GMDS: variants seen among roughly 807,000 people sequenced by gnomAD.
GMDS encodes the protein GDP-mannose 4,6 dehydratase.
Under a neutral mutation model 49.9 loss-of-function variants are expected in GMDS, and 20 were observed. The ratio of observed to expected loss-of-function variants is 0.40; its 90% confidence interval spans 0.28 to 0.58. GMDS has a LOEUF of 0.58. Among genes scored for constraint, GMDS ranks in the 20% least tolerant of loss-of-function variants. GMDS has a pLI of 0.42. For synonymous variants in GMDS, 177 were observed against 178.6 expected, an observed-to-expected ratio of 0.99 and a Z score of 0.07; for missense variants, 362 against 481.4, an observed-to-expected ratio of 0.75 and a Z score of 2.32.
At chr6:1,919,196 C>T (rs1037020978) in intron 7 of GMDS, among the ~76,000 whole-genome samples, 4 of 152,192 alleles carry the variant, frequency 2.6e-5, no homozygotes, top group Admixed American at 1.3e-4. Flanking sequence ...CAAGGAGCTT[C>T]CCCAAGAGAG....
At chr6:1,779,188 CA>C (rs1768972661) in intron 7 of GMDS, among the ~76,000 whole-genome samples, 1 of 152,174 alleles carries the variant, frequency 6.6e-6, no homozygotes, top group Non-Finnish European at 1.5e-5. Flanking sequence ...ACTTTCTGTC[CA>C]AGGCTCCACT....
intron 1 of GMDS, among the ~76,000 whole-genome samples, chr6:2,185,708 C>A (rs565737069): frequency 6.6e-6 from 1 of 152,300 alleles, no homozygotes; most frequent in Admixed American, 6.5e-5. Context: ...AATACTGCCA[C>A]CCTAGGGCCA....
intron 4 of GMDS, among the ~76,000 whole-genome samples, chr6:2,015,736 A>C (rs1038482580): frequency 6.6e-6 from 1 of 152,268 alleles, no homozygotes; most frequent in African/African-American, 2.4e-5. Flanking sequence ...ATTGGAACAC[A>C]CGTTTGTTCA....
Position 1,715,602 on chromosome 6 carries a change from C to T in GMDS, c.987+10814G>A, listed in dbSNP as rs1350073839. ...GTGCAGGGTCTTGTAACTAATATTG[C>T]ATCAGTTTTTTCAACATGCCTATTG... On this transcript the variant is annotated intron_variant, in intron 9 of 10. Transcript: ENST00000380815. Among the ~76,000 whole-genome samples, 4 of 152,328 alleles carry T rather than the reference C, an allele frequency of 2.6e-5. No homozygotes were observed. The East Asian group carries it at 7.7e-4, about 29-fold the overall frequency.
At chr6:1,639,195 G>A (rs553678833) in intron 9 of GMDS, among the ~76,000 whole-genome samples, 31 of 152,282 alleles carry the variant, frequency 2.0e-4, no homozygotes, top group African/African-American at 7.5e-4. Flanking sequence ...CCTCCACAAC[G>A]CACCATGTTA....
chr6:1,772,697 C>T (rs565337601), intron 7 of GMDS, among the ~76,000 whole-genome samples: 5 of 152,244 alleles, frequency 3.3e-5, no homozygotes, highest in East Asian at 1.9e-4. Context: ...TGACTGCAGA[C>T]GAAGCCTGGC....
rs142418552 is a variant in GMDS, at chr6:2,084,268, G to A, written c.345+31503C>T. On this transcript the variant is annotated intron_variant, in intron 4 of 10. Transcript: ENST00000380815. ...GGCATCTGCGTTTGAGAGGTTTGAG[G>A]GAGAAAAGAGATTTTAAAAATCATA... Among the ~76,000 whole-genome samples the A allele has an allele frequency of 3.3e-5, 5 of 152,116 alleles. No individual in the cohort carries two copies. The East Asian group carries it at 9.7e-4, about 29-fold the overall frequency.
At chr6:1,999,966 TA>T (rs1301653999) in intron 4 of GMDS, among the ~76,000 whole-genome samples, 1 of 25,412 alleles carries the variant, frequency 3.9e-5, no homozygotes, top group East Asian at 9.6e-4. Context: ...ATATTATATA[TA>T]TATTATATAT....
chr6:1,935,183 C>A (rs903713589), intron 6 of GMDS, among the ~76,000 whole-genome samples: 2 of 152,164 alleles, frequency 1.3e-5, no homozygotes, highest in African/African-American at 4.8e-5. Context: ...CTGTTAGTAA[C>A]CAGCTGTGAT....
chr6:2,192,747 C>T lies in GMDS; in HGVS notation c.102+52574G>A, dbSNP rs371547617. ...CAGCATGTCTGACTGTGCAGTAGCC[C>T]AACCCCGCACTCACTCACACACGTC... On this transcript the variant is annotated intron_variant, in intron 1 of 10. Transcript: ENST00000380815. Among the ~76,000 whole-genome samples, 62 of 152,338 alleles carry T rather than the reference C, an allele frequency of 4.1e-4. 1 individual carries two copies. Among genetic ancestry groups the T allele is most frequent in the African/African-American group, 1.3e-3 (55 of 41,578 alleles).
At chr6:1,910,099 T>C (rs1760974092) in intron 7 of GMDS, among the ~76,000 whole-genome samples, 1 of 152,212 alleles carries the variant, frequency 6.6e-6, no homozygotes, top group Non-Finnish European at 1.5e-5. Context: ...TTGGGATTTA[T>C]TGACTTAAAA....
intron 9 of GMDS, among the ~76,000 whole-genome samples, chr6:1,676,646 A>G (rs1208140930): frequency 1.3e-5 from 2 of 152,220 alleles, no homozygotes; most frequent in African/African-American, 4.8e-5. Flanking sequence ...CAACCATCTG[A>G]TCTTTGACAA....
chr6:1,786,419 T>C (rs1025856307), intron 7 of GMDS, among the ~76,000 whole-genome samples: 1 of 152,070 alleles, frequency 6.6e-6, no homozygotes, highest in African/African-American at 2.4e-5. Flanking sequence ...AGAGTGGGAC[T>C]CCAGTCTCTG....
intron 9 of GMDS, among the ~76,000 whole-genome samples, chr6:1,631,506 C>A (rs755212820): frequency 5.3e-5 from 8 of 152,082 alleles, no homozygotes; most frequent in Non-Finnish European, 1.0e-4. Flanking sequence ...CCCCCCTCCG[C>A]CCCACCACCA....
chr6:1,961,819 G>A (rs1365535738), intron 4 of GMDS, among the ~76,000 whole-genome samples: 2 of 152,176 alleles, frequency 1.3e-5, no homozygotes, highest in African/African-American at 4.8e-5. Flanking sequence ...TAAGGTCACT[G>A]GTCTTCGTCA....
chr6:2,055,961 A>G (rs1770753106), intron 4 of GMDS, among the ~76,000 whole-genome samples: 1 of 152,152 alleles, frequency 6.6e-6, no homozygotes, highest in Non-Finnish European at 1.5e-5. Context: ...GAAAAGACCA[A>G]AGCATTCCAC....
chr6:2,065,085 C>G (rs760470606), intron 4 of GMDS, among the ~76,000 whole-genome samples: 1 of 152,094 alleles, frequency 6.6e-6, no homozygotes, highest in Non-Finnish European at 1.5e-5. Context: ...TGAGGACAGG[C>G]AGACTGCCTC....
At chr6:2,041,875 T>A (rs1769705141) in intron 4 of GMDS, among the ~76,000 whole-genome samples, 1 of 152,170 alleles carries the variant, frequency 6.6e-6, no homozygotes, top group South Asian at 2.1e-4. Flanking sequence ...ACAAATACCT[T>A]TTTAAAAAGA....
chr6:2,000,052 T>TTTTTATG (rs1766696207), intron 4 of GMDS, among the ~76,000 whole-genome samples: 1 of 59,680 alleles, frequency 1.7e-5, no homozygotes, highest in Non-Finnish European at 3.3e-5. Context: ...TTTTTTTTTT[T>TTTTTATG]GAGATGGAGT....
Sources: gnomAD v4.1 joint callset for allele counts (sites outside exome capture counted in the v4.1 genomes callset) on GRCh38, gnomAD v4.1.1 for gene constraint, MANE v1.5 for transcripts, NCBI Gene and HGNC (gene_info 2026-07-23, HGNC 2026-07-21) for gene names.